Variants in OR9Q1 observed in about 807,000 individuals in gnomAD.
OR9Q1 encodes olfactory receptor 9Q1.
For missense variants in OR9Q1, 374 were observed against 378.8 expected (o/e 0.99, Z 0.11); for synonymous variants, 153 against 148.6 (o/e 1.03, Z -0.22).
At chr11:58,099,941 A>C (rs919783569) in intron 2 of OR9Q1, among the ~76,000 whole-genome samples, 10 of 152,056 alleles carry the variant, frequency 6.6e-5, no homozygotes, top group African/African-American at 2.4e-4. Context: ...ACTATCAACT[A>C]CTCCCAAATT....
chr11:58,081,669 GT>G (rs1554967062), intron 2 of OR9Q1, among the ~76,000 whole-genome samples: 1 of 151,408 alleles, frequency 6.6e-6, no homozygotes, highest in East Asian at 1.9e-4. Flanking sequence ...GGGGTTGTTT[GT>G]TTTTTTCTTG....
intron 2 of OR9Q1, chr11:58,119,138 A>G (rs1013575853): frequency 6.2e-7 from 1 of 1,614,048 alleles, no homozygotes; most frequent in Non-Finnish European, 8.5e-7. Flanking sequence ...ATGGTGAATA[A>G]AAAGAACTGG....
At chr11:58,065,167 T>C (rs887426622) in intron 2 of OR9Q1, among the ~76,000 whole-genome samples, 9 of 151,836 alleles carry the variant, frequency 5.9e-5, no homozygotes, top group Non-Finnish European at 1.0e-4. Flanking sequence ...TGGACTGGGA[T>C]AGGTTATTCA....
chr11:58,101,866 C>G (rs1160346050), intron 2 of OR9Q1, among the ~76,000 whole-genome samples: 1 of 152,174 alleles, frequency 6.6e-6, no homozygotes, highest in Non-Finnish European at 1.5e-5. Context: ...CCTGCCTCAG[C>G]CTCCCGAGTA....
intron 1 of OR9Q1, among the ~76,000 whole-genome samples, chr11:58,029,226 C>T (rs1298863333): frequency 6.6e-6 from 1 of 152,190 alleles, no homozygotes; most frequent in African/African-American, 2.4e-5. Flanking sequence ...ACAGCTTATT[C>T]ATCCGGCTGG....
At chr11:58,048,788 C>G (rs1310547411) in intron 1 of OR9Q1, among the ~76,000 whole-genome samples, 1 of 133,320 alleles carries the variant, frequency 7.5e-6, no homozygotes, top group Non-Finnish European at 1.6e-5. Flanking sequence ...CACAGAAATA[C>G]AAACTGCCAT....
At chr11:58,098,519 A>G (rs886770975) in intron 2 of OR9Q1, among the ~76,000 whole-genome samples, 2 of 152,124 alleles carry the variant, frequency 1.3e-5, no homozygotes, top group Admixed American at 6.6e-5. Flanking sequence ...GAGTTTTAAA[A>G]ATCTATTTTT....
chr11:58,085,325 C>T (rs541837987), intron 2 of OR9Q1, among the ~76,000 whole-genome samples: 4 of 151,920 alleles, frequency 2.6e-5, no homozygotes, highest in South Asian at 4.2e-4. Flanking sequence ...ACCATCACCA[C>T]AATCAAGGCA....
At chr11:58,144,796 C>T (rs1854284237) in intron 2 of OR9Q1, 1 of 147,318 alleles carries the variant, frequency 6.8e-6, no homozygotes, top group Non-Finnish European at 1.5e-5. Flanking sequence ...CTTTTTCACA[C>T]TCTGTGCTAG....
intron 2 of OR9Q1, among the ~76,000 whole-genome samples, chr11:58,138,171 T>C (rs1854207177): frequency 6.6e-6 from 1 of 152,104 alleles, no homozygotes; most frequent in African/African-American, 2.4e-5. Flanking sequence ...GGAAAATGCT[T>C]CCTCCTCCTT....
At chr11:58,120,091 TA>T (rs1349939142) in intron 2 of OR9Q1, among the ~76,000 whole-genome samples, 1 of 152,222 alleles carries the variant, frequency 6.6e-6, no homozygotes, top group African/African-American at 2.4e-5. Context: ...TATTAGCTGA[TA>T]ACAAAAAGTC....
intron 2 of OR9Q1, among the ~76,000 whole-genome samples, chr11:58,114,907 G>A (rs1272839729): frequency 6.6e-6 from 1 of 152,110 alleles, no homozygotes; most frequent in East Asian, 1.9e-4. Context: ...CGGCTGCAAT[G>A]GGTTTGAGCA....
Position 58,180,108 on chromosome 11 carries a change from A to G in OR9Q1, c.664A>G (p.Ile222Val). The stretch of plus-strand genomic sequence containing the variant: ...GATCTTGGTGTCCTACCTGTTTATC[A>G]TCGTGGCCATCATGGGGATCCCTGC... ...VVILVSYLFI[I>V]VAIMGIPAGS... is the part of the protein sequence containing the mutation. The change falls in exon 3 of 3, where the codon ATC (isoleucine) becomes GTC (valine). Residue 222 changes from isoleucine (I) to valine (V), a missense_variant. Coordinates refer to ENST00000335397, the MANE Select transcript of OR9Q1 (RefSeq NM_001005212.4). 6.2e-7 allele frequency: 1 copy of G among 1,614,200 alleles called. No individual in the cohort carries two copies. Among genetic ancestry groups the G allele is most frequent in the Non-Finnish European group, 8.5e-7 (1 of 1,180,030 alleles).
At position 58,081,793 on chromosome 11, in the gene OR9Q1, C is replaced by CTT. The variant is rs201892501; in HGVS notation, c.-15+25863_-15+25864dup. On this transcript the variant is annotated intron_variant, in intron 2 of 2. Transcript: ENST00000335397. ...TGCCTGTTCACTCTGATGATAGTTT[C>CTT]TTTTTTTTTTTTTTTTTTACTTTTG... Among the ~76,000 whole-genome samples, 1,184 of 128,110 alleles carry CTT rather than the reference C, an allele frequency of 9.2e-3. 13 individuals carry two copies. Among genetic ancestry groups the CTT allele is most frequent in the Middle Eastern group, 0.018 (4 of 224 alleles). The allele number at this position is 128,110 out of a possible 152,430, so 84.0% of individuals were successfully genotyped here.
At chr11:58,065,553 G>C (rs2120005839) in intron 2 of OR9Q1, among the ~76,000 whole-genome samples, 1 of 152,310 alleles carries the variant, frequency 6.6e-6, no homozygotes, top group South Asian at 2.1e-4. Flanking sequence ...CTTGGAAACA[G>C]TTCAGATATG....
chr11:58,025,917 G>C (rs1210477363), intron 1 of OR9Q1, among the ~76,000 whole-genome samples: 1 of 152,022 alleles, frequency 6.6e-6, no homozygotes, highest in East Asian at 1.9e-4. Context: ...TACTGCACTT[G>C]GTTTTGTCAG....
chr11:58,180,354 C>A lies in OR9Q1; in HGVS notation c.910C>A (p.Leu304Ile). ...KEVKEALRKI[L>I]NRAKLS ...AGTGAAGGAGGCCCTGAGAAAAATT[C>A]TCAATAGAGCCAAGTTGTCCTAACC... Residue 304 changes from leucine (L) to isoleucine (I), a missense_variant, in exon 3 of 3, where the codon CTC becomes ATC. Coordinates refer to ENST00000335397, the MANE Select transcript of OR9Q1 (RefSeq NM_001005212.4). 6.3e-7 allele frequency: 1 copy of A among 1,593,212 alleles called. No homozygotes were observed. The highest frequency in any genetic ancestry group is 8.6e-7 in the Non-Finnish European group (1 of 1,167,562).
At chr11:58,024,536 C>T (rs963652931) in intron 1 of OR9Q1, among the ~76,000 whole-genome samples, 6 of 152,134 alleles carry the variant, frequency 3.9e-5, no homozygotes, top group Admixed American at 2.6e-4. Context: ...TTTCAATTTT[C>T]GTGCATGGGC....
At chr11:58,039,293 T>C (rs1853137352) in intron 1 of OR9Q1, among the ~76,000 whole-genome samples, 1 of 152,210 alleles carries the variant, frequency 6.6e-6, no homozygotes, top group African/African-American at 2.4e-5. Flanking sequence ...CCGGCCTAAA[T>C]GGAATCTTCT....
Sources: gnomAD v4.1 joint callset for allele counts (sites outside exome capture counted in the v4.1 genomes callset) on GRCh38, gnomAD v4.1.1 for gene constraint, MANE v1.5 for transcripts, NCBI Gene and HGNC (gene_info 2026-07-23, HGNC 2026-07-21) for gene names.